Variants in BTNL8 observed in about 807,000 individuals in gnomAD.
BTNL8 encodes butyrophilin like 8.
BTNL8 carries 22 observed loss-of-function variants against 36.1 expected under a neutral mutation model. The observed-to-expected ratio is 0.61, with a 90% CI of 0.44 to 0.87. The LOEUF is 0.87. BTNL8 is among the 40% of genes least tolerant of loss of function. The pLI is 0.00. For synonymous variants in BTNL8, 203 were observed against 235.6 expected (o/e 0.86, Z 1.27); for missense variants, 526 against 616.9 (o/e 0.85, Z 1.56).
chr5:180,947,411 C>T, intron 3 of BTNL8, 101 bp from the exon 4 acceptor site: 2 of 1,435,274 alleles, frequency 1.4e-6, no homozygotes, highest in South Asian at 1.3e-5. Context: ...TTATAGAAAC[C>T]TATTTCTTCC....
At chr5:180,934,875 G>T (rs768208263) in intron 3 of BTNL8, among the ~76,000 whole-genome samples, 2 of 152,140 alleles carry the variant, frequency 1.3e-5, no homozygotes, top group African/African-American at 2.4e-5. Flanking sequence ...AGCTTTTTCA[G>T]TCCCACCTTT....
intron 3 of BTNL8, among the ~76,000 whole-genome samples, chr5:180,913,028 C>T (rs900094206): frequency 2.0e-5 from 3 of 152,024 alleles, no homozygotes; most frequent in Non-Finnish European, 4.4e-5. Flanking sequence ...TGCTGAAAAC[C>T]AAATTGAGAA....
intron 3 of BTNL8, among the ~76,000 whole-genome samples, chr5:180,941,914 T>TTTTTTTTTTTTTTG (rs1281454934): frequency 6.6e-6 from 1 of 150,868 alleles, no homozygotes; most frequent in African/African-American, 2.5e-5. Flanking sequence ...TTACTACTCT[T>TTTTTTTTTTTTTTG]ATTCAACAAA....
chr5:180,934,748 G>A (rs1758564777), intron 3 of BTNL8, among the ~76,000 whole-genome samples: 1 of 152,246 alleles, frequency 6.6e-6, no homozygotes. Context: ...GGGTGTCACA[G>A]TCCTGGCATG....
chr5:180,934,090 C>T (rs1179883479), intron 3 of BTNL8, among the ~76,000 whole-genome samples: 1 of 152,030 alleles, frequency 6.6e-6, no homozygotes, highest in Non-Finnish European at 1.5e-5. Flanking sequence ...AAGAATTGCC[C>T]ACTGTGACCA....
intron 3 of BTNL8, among the ~76,000 whole-genome samples, chr5:180,941,110 G>GAGGAAGGGAGGAAGGA (rs1758917953): frequency 7.9e-6 from 1 of 126,820 alleles, no homozygotes; most frequent in African/African-American, 3.2e-5. Flanking sequence ...GGAAGGAAGG[G>GAGGAAGGGAGGAAGGA]AGGAAGGAAG....
chr5:180,936,739 C>A (rs1325379568), intron 3 of BTNL8, among the ~76,000 whole-genome samples: 1 of 152,232 alleles, frequency 6.6e-6, no homozygotes, highest in African/African-American at 2.4e-5. Flanking sequence ...ACTCCATCCC[C>A]TCAACCAGTG....
chr5:180,945,829 C>A, intron 3 of BTNL8: 1 of 501,640 alleles, frequency 2.0e-6, no homozygotes, highest in South Asian at 1.5e-5. Context: ...CGAGTCTGAT[C>A]CGGAAATATG....
chr5:180,900,963 A>C (rs1476733839), intron 1 of BTNL8, among the ~76,000 whole-genome samples: 1 of 152,210 alleles, frequency 6.6e-6, no homozygotes, highest in African/African-American at 2.4e-5. Flanking sequence ...CAAGGGTGGC[A>C]GGAAGCCCTC....
At chr5:180,933,513 G>A (rs1758504482) in intron 3 of BTNL8, among the ~76,000 whole-genome samples, 1 of 152,034 alleles carries the variant, frequency 6.6e-6, no homozygotes, top group Non-Finnish European at 1.5e-5. Flanking sequence ...GCAAATATGT[G>A]GAAATTAAAC....
intron 7 of BTNL8, 159 bp downstream of exon 7, chr5:180,949,424 C>T: frequency 9.2e-7 from 1 of 1,090,670 alleles, no homozygotes; most frequent in Non-Finnish European, 1.3e-6. Context: ...GGGTTCAGTG[C>T]CCCCAGACAC....
rs1582058820 is a variant in BTNL8 at position 180,941,083 on chromosome 5, TGGAAGGGAGGGAGGGA to T, written c.674-6422_674-6407del. 4.0e-5 allele frequency among the ~76,000 whole-genome samples: 3 copies of T among 74,682 alleles called. No homozygotes were observed. The East Asian group carries it at 1.2e-3, about 29-fold the overall frequency. 49.0% of individuals were successfully genotyped at this position (74,682 alleles called of 152,430 possible). A position where few individuals can be genotyped will look rare whatever the true frequency, so the allele number is the denominator to read the frequency against. ...GGGAAACACAGCAAGAAGAAAGAGG[TGGAAGGGAGGGAGGGA>T]GGAAGGAAGGGAGGAAGGAAGGAAG... On this transcript the variant is annotated intron_variant, in intron 3 of 7. Coordinates refer to ENST00000340184, the MANE Select transcript of BTNL8 (RefSeq NM_001040462.3).
chr5:180,907,848 G>C (rs1757166398), intron 1 of BTNL8, among the ~76,000 whole-genome samples: 1 of 151,018 alleles, frequency 6.6e-6, no homozygotes, highest in African/African-American at 2.4e-5. Context: ...AGGGGTCAGG[G>C]ACTCACTTGA....
intron 7 of BTNL8, chr5:180,949,683 G>A (rs1759453886): frequency 8.2e-6 from 5 of 608,354 alleles, no homozygotes; most frequent in Non-Finnish European, 1.1e-5. Flanking sequence ...GTGATATGCC[G>A]AGATTGGGAC....
chr5:180,921,141 C>A (rs983997798), intron 3 of BTNL8, among the ~76,000 whole-genome samples: 7 of 151,960 alleles, frequency 4.6e-5, no homozygotes, highest in African/African-American at 1.7e-4. Flanking sequence ...AAATAAGTAA[C>A]CTCATTGATA....
intron 3 of BTNL8, among the ~76,000 whole-genome samples, chr5:180,926,268 G>A (rs773442935): frequency 1.3e-5 from 2 of 152,224 alleles, no homozygotes; most frequent in Non-Finnish European, 2.9e-5. Flanking sequence ...GAGGGACTGT[G>A]CCATGAGGAA....
intron 3 of BTNL8, among the ~76,000 whole-genome samples, chr5:180,914,794 C>A (rs1403787957): frequency 1.3e-5 from 2 of 152,144 alleles, no homozygotes; most frequent in Non-Finnish European, 2.9e-5. Flanking sequence ...GTCTAGGAAG[C>A]CACTTGAGAG....
At chr5:180,946,599 G>A (rs1239084881) in intron 3 of BTNL8, among the ~76,000 whole-genome samples, 1 of 152,188 alleles carries the variant, frequency 6.6e-6, no homozygotes, top group Non-Finnish European at 1.5e-5. Flanking sequence ...TGTTACCAGA[G>A]GCTGGGGCAG....
intron 3 of BTNL8, among the ~76,000 whole-genome samples, chr5:180,920,442 A>G (rs1378761280): frequency 2.0e-5 from 3 of 152,248 alleles, no homozygotes; most frequent in East Asian, 3.9e-4. Context: ...ACAAAAATCA[A>G]TTCAAAATGA....
Sources: gnomAD v4.1 joint callset for allele counts (sites outside exome capture counted in the v4.1 genomes callset) on GRCh38, gnomAD v4.1.1 for gene constraint, MANE v1.5 for transcripts, NCBI Gene and HGNC (gene_info 2026-07-23, HGNC 2026-07-21) for gene names.